CLSTN2: variants seen among roughly 807,000 people sequenced by gnomAD.
The protein encoded by CLSTN2 is calsyntenin-2.
A neutral mutation model predicts 101.2 loss-of-function variants in CLSTN2; 48 were observed. That is an observed-to-expected ratio of 0.47 (90% CI 0.38 to 0.60). CLSTN2 has a LOEUF of 0.60. Ranked by LOEUF, CLSTN2 falls within the 20% of genes least tolerant of loss-of-function variation. CLSTN2 has a pLI of 0.00. For missense variants in CLSTN2, 1,160 were observed against 1,238.2 expected, an observed-to-expected ratio of 0.94 and a Z score of 0.95; for synonymous variants, 481 against 463.6, an observed-to-expected ratio of 1.04 and a Z score of -0.48.
intron 1 of CLSTN2, among the ~76,000 whole-genome samples, chr3:139,961,910 C>T (rs1176164544): frequency 1.3e-5 from 2 of 151,976 alleles, no homozygotes; most frequent in African/African-American, 4.8e-5. Context: ...CAATTTATAT[C>T]TTAGTTTTTT....
chr3:140,323,681 G>A (rs145084907), intron 2 of CLSTN2, among the ~76,000 whole-genome samples: 1 of 152,314 alleles, frequency 6.6e-6, no homozygotes, highest in South Asian at 2.1e-4. Context: ...ATAAATGGTA[G>A]TCATTATTAT....
intron 2 of CLSTN2, among the ~76,000 whole-genome samples, chr3:140,239,958 A>G (rs1171658209): frequency 6.6e-6 from 1 of 150,926 alleles, no homozygotes; most frequent in African/African-American, 2.4e-5. Context: ...ACTAAAATAG[A>G]CATCTTAAAA....
chr3:140,275,524 G>C (rs917560483), intron 2 of CLSTN2, among the ~76,000 whole-genome samples: 1 of 152,070 alleles, frequency 6.6e-6, no homozygotes, highest in African/African-American at 2.4e-5. Flanking sequence ...CTCCCACCTT[G>C]GCCTCCCAAA....
At chr3:140,318,350 G>T (rs917926358) in intron 2 of CLSTN2, among the ~76,000 whole-genome samples, 3 of 152,160 alleles carry the variant, frequency 2.0e-5, no homozygotes, top group African/African-American at 7.2e-5. Flanking sequence ...ATGGTTGTGG[G>T]GAGAGCAAAG....
intron 1 of CLSTN2, among the ~76,000 whole-genome samples, chr3:140,143,862 C>T (rs553277525): frequency 6.6e-6 from 1 of 152,232 alleles, no homozygotes; most frequent in Non-Finnish European, 1.5e-5. Context: ...AATTAGCATG[C>T]TGTCTCACTC....
chr3:140,361,207 A>G (rs1243453070), intron 2 of CLSTN2, among the ~76,000 whole-genome samples: 1 of 152,210 alleles, frequency 6.6e-6, no homozygotes, highest in Admixed American at 6.5e-5. Context: ...AACATCCGAT[A>G]ATCAATGTAA....
At chr3:140,427,036 C>T (rs1250794733) in intron 5 of CLSTN2, among the ~76,000 whole-genome samples, 1 of 150,216 alleles carries the variant, frequency 6.7e-6, no homozygotes, top group Non-Finnish European at 1.5e-5. Flanking sequence ...ATTAGCCAGG[C>T]ATGGTGGTGC....
intron 2 of CLSTN2, among the ~76,000 whole-genome samples, chr3:140,332,501 GT>G (rs1559841174): frequency 6.6e-6 from 1 of 152,118 alleles, no homozygotes; most frequent in South Asian, 2.1e-4. Flanking sequence ...ACATTTACCT[GT>G]TTTTTTATAT....
intron 8 of CLSTN2, among the ~76,000 whole-genome samples, chr3:140,515,262 G>A (rs2107770265): frequency 6.9e-6 from 1 of 144,602 alleles, no homozygotes; most frequent in East Asian, 1.9e-4. Context: ...TCTTTTCTTG[G>A]TTAATCTTAC....
chr3:140,035,661 C>A (rs1260621042), intron 1 of CLSTN2, among the ~76,000 whole-genome samples: 4 of 152,088 alleles, frequency 2.6e-5, no homozygotes, highest in Non-Finnish European at 5.9e-5. Flanking sequence ...TATGTAAGCC[C>A]CAGAATGGTA....
intron 2 of CLSTN2, among the ~76,000 whole-genome samples, chr3:140,247,899 T>C (rs2086530509): frequency 6.6e-6 from 1 of 152,176 alleles, no homozygotes; most frequent in Non-Finnish European, 1.5e-5. Flanking sequence ...TTCAAATATT[T>C]GGATTCCCAG....
chr3:140,321,841 C>T (rs1473908993), intron 2 of CLSTN2, among the ~76,000 whole-genome samples: 1 of 152,214 alleles, frequency 6.6e-6, no homozygotes, highest in Non-Finnish European at 1.5e-5. Context: ...CAGACTGGCA[C>T]CCAAGGTACC....
At position 140,026,471 on chromosome 3, in the gene CLSTN2, C is replaced by G. The variant is rs76254910; in HGVS notation, c.109+90988C>G. On this transcript the variant is annotated intron_variant, in intron 1 of 16. Transcript: ENST00000458420. Reference sequence around the variant, plus strand: ...AAACTAAATGGACAAAAAAGTTTGCCCTCACATAAAGTGCCATCTTTTCTC... The same window carrying G: ...AAACTAAATGGACAAAAAAGTTTGCGCTCACATAAAGTGCCATCTTTTCTC... Among the ~76,000 whole-genome samples the G allele has an allele frequency of 5.2e-3, 786 of 152,276 alleles. 3 individuals are homozygous for G. The highest frequency in any genetic ancestry group is 0.024 in the Middle Eastern group (7 of 294).
chr3:140,108,575 A>G (rs1259747525), intron 1 of CLSTN2, among the ~76,000 whole-genome samples: 2 of 152,198 alleles, frequency 1.3e-5, no homozygotes, highest in African/African-American at 4.8e-5. Context: ...TATTAAAAAG[A>G]ACCTTGGTGG....
intron 8 of CLSTN2, among the ~76,000 whole-genome samples, chr3:140,523,335 A>T (rs924763045): frequency 2.0e-5 from 3 of 151,778 alleles, no homozygotes; most frequent in Non-Finnish European, 4.4e-5. Flanking sequence ...CATTCTTGCT[A>T]CTCATGGACT....
intron 8 of CLSTN2, among the ~76,000 whole-genome samples, chr3:140,521,235 C>T (rs1340508227): frequency 8.5e-5 from 13 of 152,086 alleles, no homozygotes; most frequent in Admixed American, 5.2e-4. Flanking sequence ...GAGTTTTCAG[C>T]GTTTTTGCAT....
In CLSTN2 at chr3:139,935,769, G is replaced by T. The variant is rs1225944610; in HGVS notation, c.109+286G>T. 1.3e-5 allele frequency among the ~76,000 whole-genome samples: 2 copies of T among 152,114 alleles called. No homozygotes were observed. The highest frequency in any genetic ancestry group is 2.9e-5 in the Non-Finnish European group (2 of 68,016). On this transcript the variant is annotated intron_variant, in intron 1 of 16. Coordinates refer to ENST00000458420, the MANE Select transcript of CLSTN2 (RefSeq NM_022131.3). The surrounding 1 kb of genome is among the most constrained non-coding windows in gnomAD (Gnocchi z 5.5). ...GAGGGCTGTCTGTGCCGGGGTGGGA[G>T]CGCAGTGGGTGAGTTTCGAGCTCTG... is the stretch of plus-strand genomic sequence containing the variant.
At chr3:140,364,764 G>A (rs915050145) in intron 2 of CLSTN2, among the ~76,000 whole-genome samples, 1 of 152,144 alleles carries the variant, frequency 6.6e-6, no homozygotes, top group African/African-American at 2.4e-5. Flanking sequence ...AGGAAAATGT[G>A]TATTACAGCC....
chr3:140,386,701 C>T (rs981895560), intron 2 of CLSTN2, among the ~76,000 whole-genome samples: 4 of 152,142 alleles, frequency 2.6e-5, no homozygotes, highest in African/African-American at 9.7e-5. Flanking sequence ...GCAAGATGGA[C>T]AGCTCTGGTT....
Sources: allele counts gnomAD v4.1 joint callset (sites outside exome capture counted in the v4.1 genomes callset), GRCh38; gene constraint gnomAD v4.1.1; non-coding constraint Gnocchi (gnomAD v3.1); transcripts MANE v1.5; gene names NCBI Gene and HGNC (gene_info 2026-07-23, HGNC 2026-07-21).